Variants in KLF8 observed in about 807,000 individuals in gnomAD.
KLF8 encodes Krueppel-like factor 8.
A neutral mutation model predicts 18.2 loss-of-function variants in KLF8; 10 were observed. The observed-to-expected ratio is 0.55, with a 90% CI of 0.34 to 0.93. KLF8 has a LOEUF of 0.93. KLF8 is among the 40% of genes least tolerant of loss of function. The probability of loss-of-function intolerance (pLI) is 0.02; values close to 1 mark genes in which losing one functional copy is unlikely to be tolerated. For missense variants in KLF8, 264 were observed against 277.9 expected, an observed-to-expected ratio of 0.95 and a Z score of 0.36; for synonymous variants, 109 against 97.3, an observed-to-expected ratio of 1.12 and a Z score of -0.71.
the KLF8 span, among the ~76,000 whole-genome samples, chrX:55,957,624 C>A: frequency 4.7e-3 from 523 of 111,341 alleles, 2 homozygotes; most frequent in African/African-American, 0.016. Context: ...TTAGGTTTAT[C>A]CTTAAGTATT....
the KLF8 span, among the ~76,000 whole-genome samples, chrX:56,017,149 A>G: frequency 8.9e-6 from 1 of 112,454 alleles, no homozygotes; most frequent in Non-Finnish European, 1.9e-5. Context: ...AGGGAATAGT[A>G]GCAGGATCTA....
chrX:55,940,728 C>T, the KLF8 span, among the ~76,000 whole-genome samples: 2 of 111,285 alleles, frequency 1.8e-5, no homozygotes, highest in African/African-American at 6.5e-5. Context: ...TTCTTATACA[C>T]CAGTAACAGA....
At chrX:56,177,983 T>A in the KLF8 span, among the ~76,000 whole-genome samples, 1 of 111,720 alleles carries the variant, frequency 9.0e-6, no homozygotes, top group African/African-American at 3.3e-5. Context: ...GACCCTATTT[T>A]CCAGGTGCCA....
At chrX:56,058,302 AT>A in the KLF8 span, among the ~76,000 whole-genome samples, 1 of 66,483 alleles carries the variant, frequency 1.5e-5, no homozygotes, top group Admixed American at 1.7e-4. Flanking sequence ...ATATATATAT[AT>A]ATATATATAT....
the KLF8 span, among the ~76,000 whole-genome samples, chrX:56,181,536 T>A: frequency 5.3e-5 from 6 of 112,150 alleles, no homozygotes; most frequent in South Asian, 2.2e-3. Flanking sequence ...TGCTGATTAA[T>A]TCTTGCAGTT....
At chrX:55,944,881 T>C in the KLF8 span, among the ~76,000 whole-genome samples, 1 of 111,284 alleles carries the variant, frequency 9.0e-6, no homozygotes, top group African/African-American at 3.3e-5. Flanking sequence ...AGCTTTTGAA[T>C]GTGTTTGCTC....
chrX:56,088,321 T>A, the KLF8 span, among the ~76,000 whole-genome samples: 5 of 111,728 alleles, frequency 4.5e-5, no homozygotes, highest in Non-Finnish European at 7.5e-5. Context: ...ATCTGCTAGA[T>A]TGATGAATAT....
the KLF8 span, among the ~76,000 whole-genome samples, chrX:56,075,444 TATA>T: frequency 9.0e-6 from 1 of 111,395 alleles, no homozygotes; most frequent in Non-Finnish European, 1.9e-5. Context: ...GATACAGGCA[TATA>T]ATGTGTAATA....
At chrX:55,945,196 C>T in the KLF8 span, among the ~76,000 whole-genome samples, 1 of 111,023 alleles carries the variant, frequency 9.0e-6, no homozygotes, top group Non-Finnish European at 1.9e-5. Context: ...GTCTGAGAGA[C>T]AGTTTGTTAA....
In KLF8 at chrX:56,265,834, A is replaced by G; in HGVS notation, c.646+90A>G. ...CTCCTGTCTCTTTTCACTTCCTCCA[A>G]TTATTCTTGCACACTGCTTCAAGAG... is the stretch of plus-strand genomic sequence containing the variant. On this transcript the variant is annotated intron_variant, in intron 3 of 5. Transcript: ENST00000468660. 3.6e-6 allele frequency: 4 copies of G among 1,106,843 alleles called. No individual in the cohort carries two copies. In the Middle Eastern group the frequency reaches 7.5e-4, roughly 208 times the overall value. 91.2% of individuals were successfully genotyped at this position (1,106,843 alleles called of 1,213,427 possible).
At chrX:56,050,501 AT>A in the KLF8 span, among the ~76,000 whole-genome samples, 1 of 111,829 alleles carries the variant, frequency 8.9e-6, no homozygotes, top group Non-Finnish European at 1.9e-5. Flanking sequence ...GAACATCTTT[AT>A]TTCTGCCTTC....
chrX:56,195,470 A>C, the KLF8 span, among the ~76,000 whole-genome samples: 2 of 112,096 alleles, frequency 1.8e-5, no homozygotes, highest in Non-Finnish European at 3.8e-5. Context: ...AATGAAGTGG[A>C]AGAAAGGGTA....
At chrX:56,014,915 G>A in the KLF8 span, 1 of 93,484 alleles carries the variant, frequency 1.1e-5, no homozygotes, top group Non-Finnish European at 2.0e-5. Context: ...AATACTGCAA[G>A]TTCTCACTTA....
the KLF8 span, among the ~76,000 whole-genome samples, chrX:55,934,897 C>T: frequency 1.8e-5 from 2 of 111,673 alleles, no homozygotes; most frequent in Non-Finnish European, 3.8e-5. Flanking sequence ...GGGTAGGAGA[C>T]CACAGTAACC....
At position 56,271,257 on chromosome X, in the gene KLF8, C is replaced by T. The variant is rs778900374; in HGVS notation, c.898+936C>T. Reference sequence around the variant, plus strand: ...TCAATCCCCCATGGATACTGAGGGACGACTGTATTAGTAAATTTAATTGTT... The same window carrying T: ...TCAATCCCCCATGGATACTGAGGGATGACTGTATTAGTAAATTTAATTGTT... On this transcript the variant is annotated intron_variant, in intron 5 of 5. Transcript: ENST00000468660. Among the ~76,000 whole-genome samples, 23 of 108,828 alleles carry T rather than the reference C, an allele frequency of 2.1e-4. No homozygotes were observed. In the South Asian group the frequency reaches 2.4e-3, roughly 11 times the overall value. The allele number at this position is 108,828 out of a possible 115,157, so 94.5% of individuals were successfully genotyped here. A position where few individuals can be genotyped will look rare whatever the true frequency, so the allele number is the denominator to read the frequency against.
the KLF8 span, among the ~76,000 whole-genome samples, chrX:55,990,501 T>C: frequency 8.9e-6 from 1 of 112,280 alleles, no homozygotes; most frequent in African/African-American, 3.2e-5. Flanking sequence ...TTACATGTAG[T>C]TGAGCAGTTT....
chrX:56,102,420 C>T, the KLF8 span, among the ~76,000 whole-genome samples: 1 of 111,348 alleles, frequency 9.0e-6, no homozygotes, highest in Admixed American at 9.6e-5. Context: ...CTTAGGATTG[C>T]TTTGGCTATT....
At chrX:55,920,343 G>A in the KLF8 span, among the ~76,000 whole-genome samples, 1 of 111,309 alleles carries the variant, frequency 9.0e-6, no homozygotes, top group African/African-American at 3.3e-5. Context: ...AACAATTCTG[G>A]TAATATGACA....
the KLF8 span, among the ~76,000 whole-genome samples, chrX:56,058,533 T>C: frequency 1.1e-5 from 1 of 93,456 alleles, no homozygotes; most frequent in Non-Finnish European, 2.1e-5. Flanking sequence ...ACCTGGTGTG[T>C]GATGTTTCCT....
Sources: allele counts gnomAD v4.1 joint callset (sites outside exome capture counted in the v4.1 genomes callset), GRCh38; gene constraint gnomAD v4.1.1; transcripts MANE v1.5; gene names NCBI Gene and HGNC (gene_info 2026-07-23, HGNC 2026-07-21).